The following SLC6A13 variants were observed in gnomAD, a reference collection of about 807,000 sequenced individuals.
The protein encoded by SLC6A13 is sodium- and chloride-dependent GABA transporter 2.
Under a neutral mutation model 72.9 loss-of-function variants are expected in SLC6A13, and 69 were observed. That is an observed-to-expected ratio of 0.95 (90% CI 0.78 to 1.16). The LOEUF (loss-of-function observed/expected upper bound fraction) is 1.16, where lower values mean the gene tolerates loss of function less well. Ranked by LOEUF, SLC6A13 falls within the 50% of genes most tolerant of loss-of-function variation. The probability of loss-of-function intolerance (pLI) is 0.00; values close to 1 mark genes in which losing one functional copy is unlikely to be tolerated. For synonymous variants in SLC6A13, 303 were observed against 303.0 expected, an observed-to-expected ratio of 1.00 and a Z score of 0.00; for missense variants, 735 against 760.5, an observed-to-expected ratio of 0.97 and a Z score of 0.39.
chr12:224,331 C>T (rs1565488561), intron 10 of SLC6A13, 70 bp downstream of exon 10: 1 of 1,434,014 alleles, frequency 7.0e-7, no homozygotes, highest in Non-Finnish European at 9.8e-7. Flanking sequence ...GACATTCACC[C>T]ATGGCTCCTC....
At chr12:262,606 AC>A (rs1942963219) in intron 1 of SLC6A13, 182 bp downstream of exon 1, 1 of 769,220 alleles carries the variant, frequency 1.3e-6, no homozygotes, top group Non-Finnish European at 1.6e-6. Flanking sequence ...GTCAACAGCC[AC>A]CCAAGTTTCA....
chr12:237,229 C>T lies in SLC6A13; in HGVS notation c.625G>A (p.Ala209Thr). ...QHLGALRWELALCLLLAWVIC... is the reference protein window; with the variant it reads ...QHLGALRWELTLCLLLAWVIC... ...ACCCAGGCCAGCAGGAGGCACAGAG[C>T]CAGCTCCCAGCGCAGGGCCCCCAGG... Residue 209 changes from alanine to threonine, a missense_variant, in exon 6 of 15, where the codon GCT becomes ACT. Ala to Thr is a moderately conservative substitution (Grantham distance 58, BLOSUM62 0). Coordinates refer to ENST00000343164, the MANE Select transcript of SLC6A13 (RefSeq NM_016615.5). 3 of 1,614,160 alleles carry T rather than the reference C, an allele frequency of 1.9e-6. No individual in the cohort carries two copies. Among genetic ancestry groups the T allele is most frequent in the East Asian group, 2.2e-5 (1 of 44,882 alleles).
At chr12:223,008 G>C in intron 12 of SLC6A13, 124 bp downstream of exon 12, 1 of 633,806 alleles carries the variant, frequency 1.6e-6, no homozygotes, top group South Asian at 2.0e-5. Context: ...AGATTTTGGA[G>C]GTTGGGTAGG....
intron 3 of SLC6A13, 64 bp from the exon 4 acceptor site, chr12:242,818 C>T: frequency 6.7e-7 from 1 of 1,499,598 alleles, no homozygotes; most frequent in South Asian, 1.2e-5. Context: ...CCTGTCATTT[C>T]AGCTATGCGG....
intron 2 of SLC6A13, chr12:253,651 TA>T (rs1334708434): frequency 6.6e-6 from 1 of 152,276 alleles, no homozygotes; most frequent in African/African-American, 2.4e-5. Flanking sequence ...AGTCCCAAGT[TA>T]ATTCTGGGTG....
intron 12 of SLC6A13, 73 bp from the exon 13 acceptor site, chr12:222,705 C>T (rs907771579): frequency 5.7e-6 from 5 of 872,488 alleles, no homozygotes; most frequent in African/African-American, 3.3e-5. Flanking sequence ...GATGGGGCCA[C>T]AAACAGACCA....
At chr12:261,456 A>G (rs1942924147) in intron 1 of SLC6A13, among the ~76,000 whole-genome samples, 3 of 152,222 alleles carry the variant, frequency 2.0e-5, no homozygotes, top group African/African-American at 7.2e-5. Context: ...TGGTGTGTCT[A>G]CTAAAAGCAT....
At chr12:232,533 G>A (rs186757224) in intron 7 of SLC6A13, among the ~76,000 whole-genome samples, 193 of 152,336 alleles carry the variant, frequency 1.3e-3, no homozygotes, top group Admixed American at 2.9e-3. Context: ...ATTACTGGCT[G>A]CACAACCTTA....
At chr12:226,274 A>C in intron 9 of SLC6A13, 116 bp downstream of exon 9, 1 of 1,279,382 alleles carries the variant, frequency 7.8e-7, no homozygotes. Flanking sequence ...GCATCCACTG[A>C]ATGGTGGCCG....
chr12:261,925 CA>C (rs1288288943), intron 1 of SLC6A13, among the ~76,000 whole-genome samples: 1 of 130,852 alleles, frequency 7.6e-6, no homozygotes, highest in Non-Finnish European at 1.6e-5. Flanking sequence ...GACTCTGTCT[CA>C]AAAAAAAGAA....
At chr12:250,930 G>A (rs1022388427) in intron 2 of SLC6A13, among the ~76,000 whole-genome samples, 8 of 151,492 alleles carry the variant, frequency 5.3e-5, no homozygotes, top group Admixed American at 1.3e-4. Flanking sequence ...GCCAAGGTGG[G>A]TGGATCACGA....
chr12:249,690 C>G (rs1007964045), intron 2 of SLC6A13, among the ~76,000 whole-genome samples: 1 of 152,128 alleles, frequency 6.6e-6, no homozygotes, highest in Admixed American at 6.5e-5. Flanking sequence ...GAAGAAATAA[C>G]AGCAATTCTA....
At chr12:236,677 G>GAGCTTACT (rs1469449506) in intron 6 of SLC6A13, among the ~76,000 whole-genome samples, 2 of 152,212 alleles carry the variant, frequency 1.3e-5, no homozygotes, top group Non-Finnish European at 2.9e-5. Context: ...TGTCCTCATG[G>GAGCTTACT]AGCTTACTAG....
Position 220,997 on chromosome 12 carries a change from G to T in SLC6A13, c.1760C>A (p.Thr587Asn), listed in dbSNP as rs1219017749. Residue 587 changes from threonine to asparagine, a missense_variant, in exon 15 of 15, where the codon ACC becomes AAC. Physicochemically the swap from Thr to Asn is moderately conservative, Grantham distance 65. Transcript: ENST00000343164. ...GAGTCTGAGCAGTGAGGTCCTGGGGGTGGCGGGAGCCGAGGGTCCTGCTGG... is the reference window on the plus strand; with the variant it reads ...GAGTCTGAGCAGTGAGGTCCTGGGGTTGGCGGGAGCCGAGGGTCCTGCTGG... ...RNPAGPSAPA[T>N]PRTSLLRLTE... 5.0e-6 allele frequency: 8 copies of T among 1,612,872 alleles called. No homozygotes were observed. Among genetic ancestry groups the T allele is most frequent in the Non-Finnish European group, 6.8e-6 (8 of 1,179,874 alleles).
At chr12:236,485 C>T (rs1170279362) in intron 6 of SLC6A13, among the ~76,000 whole-genome samples, 1 of 152,236 alleles carries the variant, frequency 6.6e-6, no homozygotes, top group East Asian at 1.9e-4. Context: ...CTCCCCTATC[C>T]CTTGAGCCAC....
intron 4 of SLC6A13, 24 bp from the exon 5 acceptor site, chr12:238,034 A>G: frequency 6.2e-7 from 1 of 1,605,076 alleles, no homozygotes; most frequent in Non-Finnish European, 8.5e-7. Flanking sequence ...ACGAGGAGGG[A>G]AAAAAGAGAA....
intron 9 of SLC6A13, among the ~76,000 whole-genome samples, chr12:225,195 G>C (rs1259193311): frequency 1.3e-5 from 2 of 152,278 alleles, no homozygotes; most frequent in Non-Finnish European, 2.9e-5. Flanking sequence ...TTCCTCTGAA[G>C]AGTGAAGAGC....
chr12:247,938 G>A (rs487252), intron 2 of SLC6A13, among the ~76,000 whole-genome samples: 1 of 151,556 alleles, frequency 6.6e-6, no homozygotes. Flanking sequence ...AAAACAATCA[G>A]TAAAATAACA....
At chr12:249,202 T>A (rs973093483) in intron 2 of SLC6A13, among the ~76,000 whole-genome samples, 7 of 151,592 alleles carry the variant, frequency 4.6e-5, no homozygotes, top group Admixed American at 2.0e-4. Context: ...CCTTAAGAAA[T>A]CAGAAATTAT....
Sources: allele counts gnomAD v4.1 joint callset (sites outside exome capture counted in the v4.1 genomes callset), GRCh38; gene constraint gnomAD v4.1.1; transcripts MANE v1.5; gene names NCBI Gene and HGNC (gene_info 2026-07-23, HGNC 2026-07-21).